The following AFG1L variants were observed in gnomAD, a reference collection of about 807,000 sequenced individuals.
The protein encoded by AFG1L is AFG1-like ATPase.
A neutral mutation model predicts 62.2 loss-of-function variants in AFG1L; 53 were observed. That is an observed-to-expected ratio of 0.85 (90% CI 0.68 to 1.07). The LOEUF (loss-of-function observed/expected upper bound fraction) is 1.07, where lower values mean the gene tolerates loss of function less well. Among genes scored for constraint, AFG1L ranks in the 50% least tolerant of loss-of-function variants. The pLI is 0.00. For missense variants in AFG1L, 555 were observed against 590.5 expected (o/e 0.94, Z 0.62); for synonymous variants, 228 against 210.3 (o/e 1.08, Z -0.73).
rs1390244468 is a variant in AFG1L at position 108,495,077 on chromosome 6, G to A, written c.1063-15135G>A. 4.0e-5 allele frequency among the ~76,000 whole-genome samples: 6 copies of A among 151,756 alleles called. No individual in the cohort carries two copies. The East Asian group carries it at 9.6e-4, about 24-fold the overall frequency. ...AGCATGAGCCACCACACCCAGCCTT[G>A]TTTTTCTAATTATTATATTTATTAT... On this transcript the variant is annotated intron_variant, in intron 10 of 12. Transcript: ENST00000368977.
At chr6:108,455,000 G>A (rs1224288588) in intron 8 of AFG1L, among the ~76,000 whole-genome samples, 1 of 152,146 alleles carries the variant, frequency 6.6e-6, no homozygotes, top group Non-Finnish European at 1.5e-5. Flanking sequence ...CAAAGAAACT[G>A]TCTACTTTCT....
chr6:108,401,300 G>A (rs989347101), intron 6 of AFG1L, among the ~76,000 whole-genome samples: 1 of 151,476 alleles, frequency 6.6e-6, no homozygotes, highest in Admixed American at 6.6e-5. Context: ...CCGCCACCGC[G>A]CCCGGCTAAT....
chr6:108,310,103 G>T (rs571827462), intron 1 of AFG1L, among the ~76,000 whole-genome samples: 1 of 152,264 alleles, frequency 6.6e-6, no homozygotes, highest in East Asian at 1.9e-4. Flanking sequence ...TTGTGTCACG[G>T]TTCAGGAACC....
At chr6:108,344,812 C>T (rs781381915) in intron 2 of AFG1L, 1 of 470,552 alleles carries the variant, frequency 2.1e-6, no homozygotes, top group South Asian at 1.6e-5. Flanking sequence ...GGTTACTCGT[C>T]TAAGTGTAAC....
At chr6:108,323,480 G>T (rs1255559543) in intron 1 of AFG1L, among the ~76,000 whole-genome samples, 1 of 151,892 alleles carries the variant, frequency 6.6e-6, no homozygotes, top group African/African-American at 2.4e-5. Context: ...TCGTGCCTCA[G>T]CCCCCCAGGT....
At chr6:108,506,331 C>T (rs1774419967) in intron 10 of AFG1L, among the ~76,000 whole-genome samples, 1 of 152,176 alleles carries the variant, frequency 6.6e-6, no homozygotes, top group South Asian at 2.1e-4. Context: ...CCTCAGCCTC[C>T]TGAGTAGCTG....
rs1023225161 is a variant in AFG1L, at chr6:108,391,790, G to A, written c.749-10206G>A. Among the ~76,000 whole-genome samples, 4 of 152,018 alleles carry A rather than the reference G, an allele frequency of 2.6e-5. No individual in the cohort carries two copies. In the South Asian group the frequency reaches 6.2e-4, roughly 24 times the overall value. On this transcript the variant is annotated intron_variant, in intron 6 of 12. Coordinates refer to ENST00000368977, the MANE Select transcript of AFG1L (RefSeq NM_145315.5). ...TTTAAAAAGCCATGCAACAGAATGCGTTTCTAGAGGATGCATTTCTTGGTC... is the reference window on the plus strand; with the variant it reads ...TTTAAAAAGCCATGCAACAGAATGCATTTCTAGAGGATGCATTTCTTGGTC...
intron 2 of AFG1L, among the ~76,000 whole-genome samples, chr6:108,338,965 C>T (rs2114380603): frequency 6.6e-6 from 1 of 152,190 alleles, no homozygotes; most frequent in Non-Finnish European, 1.5e-5. Context: ...TCGCCTGTCC[C>T]CCTACATCTT....
chr6:108,341,242 C>G (rs1007210010), intron 2 of AFG1L, among the ~76,000 whole-genome samples: 1 of 152,086 alleles, frequency 6.6e-6, no homozygotes, highest in African/African-American at 2.4e-5. Flanking sequence ...AGTTTTCTTT[C>G]TGGCTTAGCA....
rs565259818 is a variant in AFG1L at position 108,380,281 on chromosome 6, G to A, written c.748+13949G>A. 2.6e-5 allele frequency among the ~76,000 whole-genome samples: 4 copies of A among 152,336 alleles called. No homozygotes were observed. The South Asian group carries it at 8.3e-4, about 32-fold the overall frequency. ...TCGCAGCACCGCAATCTGTGTCCAG[G>A]AAGGGTGGGGTGGCTTGGGCTACTG... On this transcript the variant is annotated intron_variant, in intron 6 of 12. Coordinates refer to ENST00000368977, the MANE Select transcript of AFG1L (RefSeq NM_145315.5).
intron 7 of AFG1L, among the ~76,000 whole-genome samples, chr6:108,408,971 T>C (rs556773475): frequency 8.1e-6 from 1 of 123,892 alleles, no homozygotes; most frequent in East Asian, 2.1e-4. Context: ...GAGGAACAGT[T>C]AGGTAAATGA....
chr6:108,483,118 G>A (rs1370141431), intron 10 of AFG1L, among the ~76,000 whole-genome samples: 1 of 152,096 alleles, frequency 6.6e-6, no homozygotes, highest in South Asian at 2.1e-4. Flanking sequence ...TGTAAAAATG[G>A]ATATGAGAAT....
At position 108,316,380 on chromosome 6, in the gene AFG1L, C is replaced by CAA. The variant is rs768461563; in HGVS notation, c.140-7418_140-7417dup. ...TGGGCGACAGAGCGAGACTCCGTCT[C>CAA]AAAAAAAAAAAAAAAAAAAAAAAAA... On this transcript the variant is annotated intron_variant, in intron 1 of 12. Coordinates refer to ENST00000368977, the MANE Select transcript of AFG1L (RefSeq NM_145315.5). Among the ~76,000 whole-genome samples the CAA allele has an allele frequency of 2.1e-3, 39 of 18,792 alleles. 4 individuals carry two copies. The South Asian group carries it at 0.021, about 10-fold the overall frequency. 12.3% of individuals were successfully genotyped at this position (18,792 alleles called of 152,430 possible).
intron 3 of AFG1L, among the ~76,000 whole-genome samples, chr6:108,351,480 A>AT (rs1216260467): frequency 2.0e-5 from 3 of 152,028 alleles, no homozygotes; most frequent in South Asian, 2.1e-4. Flanking sequence ...ATTCTTTAGG[A>AT]TTTTTTTGTG....
At chr6:108,515,845 A>G (rs988145360) in intron 11 of AFG1L, among the ~76,000 whole-genome samples, 3 of 152,204 alleles carry the variant, frequency 2.0e-5, no homozygotes, top group African/African-American at 7.2e-5. Flanking sequence ...CAGAAATACA[A>G]ACTACCATCA....
At chr6:108,297,109 A>T (rs1167449482) in intron 1 of AFG1L, among the ~76,000 whole-genome samples, 1 of 151,906 alleles carries the variant, frequency 6.6e-6, no homozygotes, top group Non-Finnish European at 1.5e-5. Context: ...TATTTTGTTT[A>T]TTTATTTATT....
chr6:108,339,533 C>T (rs1270045083), intron 2 of AFG1L, among the ~76,000 whole-genome samples: 1 of 148,908 alleles, frequency 6.7e-6, no homozygotes, highest in Non-Finnish European at 1.5e-5. Context: ...GATCTCTGCT[C>T]ACTGCAACCT....
chr6:108,452,781 A>T (rs1277290362), intron 8 of AFG1L, among the ~76,000 whole-genome samples: 1 of 152,128 alleles, frequency 6.6e-6, no homozygotes, highest in Non-Finnish European at 1.5e-5. Context: ...CATGGAGTGG[A>T]GGGGAGGGTG....
intron 4 of AFG1L, among the ~76,000 whole-genome samples, chr6:108,356,311 G>A (rs963749975): frequency 6.6e-6 from 1 of 152,112 alleles, no homozygotes; most frequent in African/African-American, 2.4e-5. Context: ...GGTGCATTTC[G>A]ATTGCATATG....
Sources: allele counts gnomAD v4.1 joint callset (sites outside exome capture counted in the v4.1 genomes callset), GRCh38; gene constraint gnomAD v4.1.1; transcripts MANE v1.5; gene names NCBI Gene and HGNC (gene_info 2026-07-23, HGNC 2026-07-21).